The following CHD7 variants were observed in gnomAD, a reference collection of about 807,000 sequenced individuals.
The protein encoded by CHD7 is chromodomain helicase DNA binding protein 7, also known as ATP-dependent chromatin remodeler CHD7.
CHD7 carries 24 observed loss-of-function variants against 307.3 expected under a neutral mutation model. That is an observed-to-expected ratio of 0.08 (90% confidence interval 0.06 to 0.11). The LOEUF (loss-of-function observed/expected upper bound fraction) is 0.11, where lower values mean the gene tolerates loss of function less well. Ranked by LOEUF, CHD7 falls within the 10% of genes least tolerant of loss-of-function variation. The pLI, the probability that CHD7 is intolerant of heterozygous loss-of-function variation, is 1.00. For missense variants in CHD7, 3,106 were observed against 3,727.1 expected, an observed-to-expected ratio of 0.83 and a Z score of 4.34; for synonymous variants, 1,363 against 1,349.9, an observed-to-expected ratio of 1.01 and a Z score of -0.21.
chr8:60,846,451 T>A (rs572604358), intron 23 of CHD7, among the ~76,000 whole-genome samples: 1 of 152,236 alleles, frequency 6.6e-6, no homozygotes, highest in Admixed American at 6.5e-5. Flanking sequence ...AACTAACATC[T>A]GCATATGTTG....
At chr8:60,814,345 A>G (rs1206102640) in intron 7 of CHD7, among the ~76,000 whole-genome samples, 1 of 152,226 alleles carries the variant, frequency 6.6e-6, no homozygotes, top group Non-Finnish European at 1.5e-5. Context: ...TTTGCACCTC[A>G]GCCAAGGCAA....
At chr8:60,864,637 A>G (rs975571716) in intron 37 of CHD7, 2 of 221,210 alleles carry the variant, frequency 9.0e-6, no homozygotes, top group Non-Finnish European at 1.8e-5. Flanking sequence ...ATTTTAAAAT[A>G]TACAGTAAAT....
intron 2 of CHD7, among the ~76,000 whole-genome samples, chr8:60,774,385 A>G (rs1224926495): frequency 6.6e-6 from 1 of 152,268 alleles, no homozygotes; most frequent in Admixed American, 6.5e-5. Context: ...CACATGCCAC[A>G]TGTAACTATA....
intron 34 of CHD7, among the ~76,000 whole-genome samples, 164 bp from the exon 35 acceptor site, chr8:60,860,740 T>C (rs1267210842): frequency 6.6e-6 from 1 of 152,254 alleles, no homozygotes; most frequent in Non-Finnish European, 1.5e-5. Context: ...CAGCCTCATT[T>C]TCTGACTTTT....
intron 2 of CHD7, among the ~76,000 whole-genome samples, chr8:60,775,270 A>G (rs1353246382): frequency 6.6e-6 from 1 of 152,224 alleles, no homozygotes; most frequent in African/African-American, 2.4e-5. Flanking sequence ...TGCTATTTCA[A>G]AATTCATTTT....
At chr8:60,793,542 A>G (rs898668184) in intron 3 of CHD7, among the ~76,000 whole-genome samples, 1 of 152,128 alleles carries the variant, frequency 6.6e-6, no homozygotes, top group African/African-American at 2.4e-5. Flanking sequence ...CTTTTGAAAT[A>G]TTTTACATGA....
chr8:60,697,064 C>T (rs763861869), intron 1 of CHD7, among the ~76,000 whole-genome samples: 5 of 151,904 alleles, frequency 3.3e-5, no homozygotes, highest in Non-Finnish European at 5.9e-5. Context: ...GATTTCAGAC[C>T]GATTTAGTGT....
intron 2 of CHD7, among the ~76,000 whole-genome samples, chr8:60,747,680 C>G (rs1254495466): frequency 6.6e-6 from 1 of 152,172 alleles, no homozygotes; most frequent in African/African-American, 2.4e-5. Context: ...TAGTTCTGGT[C>G]TCACAGACCC....
At chr8:60,684,218 C>A (rs112508662) in intron 1 of CHD7, among the ~76,000 whole-genome samples, 4 of 152,294 alleles carry the variant, frequency 2.6e-5, no homozygotes, top group African/African-American at 9.6e-5. Context: ...GCTTGTTTAC[C>A]TATGCTAATG....
At chr8:60,810,969 C>G (rs1220333357) in intron 7 of CHD7, among the ~76,000 whole-genome samples, 2 of 152,166 alleles carry the variant, frequency 1.3e-5, no homozygotes, top group African/African-American at 4.8e-5. Flanking sequence ...GGAACGTGAA[C>G]TCTGGTTGTG....
intron 1 of CHD7, among the ~76,000 whole-genome samples, chr8:60,732,235 C>A (rs1207270543): frequency 6.6e-6 from 1 of 152,156 alleles, no homozygotes; most frequent in Non-Finnish European, 1.5e-5. Context: ...AAAAAAGATC[C>A]CTTTTCAGCT....
At chr8:60,799,575 T>A (rs548615793) in intron 4 of CHD7, among the ~76,000 whole-genome samples, 3 of 152,364 alleles carry the variant, frequency 2.0e-5, no homozygotes, top group Admixed American at 6.5e-5. Context: ...AAACCTTTTA[T>A]TTAAAATGGC....
chr8:60,821,555 A>C (rs1390410487), intron 9 of CHD7, among the ~76,000 whole-genome samples: 2 of 151,426 alleles, frequency 1.3e-5, no homozygotes, highest in Non-Finnish European at 2.9e-5. Context: ...TATATATATA[A>C]GCATGTATAT....
At position 60,856,048 on chromosome 8, in the gene CHD7, G is replaced by A. The variant is rs763555514; in HGVS notation, c.7010G>A (p.Arg2337His). ...AAAGGCAAATGGCCAGTAAATAGGC[G>A]CCAGATGTTTGATTTCCAAGGCCTC... ...VLKGKWPVNR[R>H]QMFDFQGLIP... Residue 2337 changes from arginine to histidine, a missense_variant, in exon 33 of 38, where the codon CGC (arginine) becomes CAC (histidine). This residue lies in a region of CHD7 where 1,030 missense variants were observed against 1,165.4 expected (regional missense o/e 0.88). Coordinates refer to ENST00000423902, the MANE Select transcript of CHD7 (RefSeq NM_017780.4). 8.7e-6 allele frequency: 14 copies of A among 1,611,350 alleles called. No homozygotes were observed. The highest frequency in any genetic ancestry group is 4.0e-5 in the African/African-American group (3 of 74,964).
At chr8:60,836,357 A>G in intron 16 of CHD7, 74 bp downstream of exon 16, 1 of 1,247,786 alleles carries the variant, frequency 8.0e-7, no homozygotes, top group Non-Finnish European at 1.1e-6. Context: ...CAGTCCACCT[A>G]AAAGTGGAAT....
In CHD7 at chr8:60,856,509, A is replaced by T; in HGVS notation, c.7229A>T (p.Glu2410Val). 1 of 1,613,876 alleles carries T rather than the reference A, an allele frequency of 6.2e-7. No homozygotes were observed. The highest frequency in any genetic ancestry group is 2.2e-5 in the East Asian group (1 of 44,880). ...RRRRRRKIEI[E>V]AERAAKRRNL... ...AGGAGGAGGAGAAAAATCGAAATTG[A>T]GGCCGAAAGAGCTGCCAAGAGGCGA... Residue 2410 changes from glutamate to valine, a missense_variant, in exon 34 of 38, where the codon GAG becomes GTG. Physicochemically the swap from Glu to Val is moderately radical, Grantham distance 121. Coordinates refer to ENST00000423902, the MANE Select transcript of CHD7 (RefSeq NM_017780.4).
intron 18 of CHD7, 78 bp downstream of exon 18, chr8:60,837,913 C>T: frequency 7.2e-7 from 1 of 1,389,508 alleles, no homozygotes; most frequent in Non-Finnish European, 9.7e-7. Context: ...AATTACTCAG[C>T]CTTTGATTAT....
At chr8:60,709,821 A>G (rs941809817) in intron 1 of CHD7, among the ~76,000 whole-genome samples, 9 of 152,208 alleles carry the variant, frequency 5.9e-5, no homozygotes, top group Admixed American at 5.9e-4. Flanking sequence ...TTAATCTTCA[A>G]TAGCAATGGT....
chr8:60,721,732 G>A (rs1563543485), intron 1 of CHD7, among the ~76,000 whole-genome samples: 1 of 152,180 alleles, frequency 6.6e-6, no homozygotes, highest in Admixed American at 6.5e-5. Context: ...GTCCATGTTC[G>A]GAGAACCACT....
Sources: gnomAD v4.1 joint callset for allele counts (sites outside exome capture counted in the v4.1 genomes callset) on GRCh38, gnomAD v4.1.1 for gene constraint, gnomAD v4.1.1 regional missense constraint, MANE v1.5 for transcripts, NCBI Gene and HGNC (gene_info 2026-07-23, HGNC 2026-07-21) for gene names.